The following APP variants were observed in gnomAD, a reference collection of about 807,000 sequenced individuals.
APP encodes amyloid-beta precursor protein.
Under a neutral mutation model 101.4 loss-of-function variants are expected in APP, and 31 were observed. That is an observed-to-expected ratio of 0.31 (90% CI 0.23 to 0.41). The LOEUF (loss-of-function observed/expected upper bound fraction) is 0.41. Ranked by LOEUF, APP falls within the 10% of genes least tolerant of loss-of-function variation. APP has a pLI of 1.00. For missense variants in APP, 839 were observed against 1,003.7 expected (o/e 0.84, Z 2.22); for synonymous variants, 366 against 364.4 (o/e 1.00, Z -0.05).
At chr21:25,906,382 A>G (rs1403314333) in intron 14 of APP, among the ~76,000 whole-genome samples, 1 of 142,040 alleles carries the variant, frequency 7.0e-6, no homozygotes, top group Non-Finnish European at 1.6e-5. Context: ...GGGATGCGCC[A>G]CTTCTGTGGC....
chr21:26,117,558 T>C (rs1031112292), intron 1 of APP, among the ~76,000 whole-genome samples: 1 of 152,114 alleles, frequency 6.6e-6, no homozygotes, highest in East Asian at 1.9e-4. Flanking sequence ...TCCAAGGCCA[T>C]GGGGTTATAG....
chr21:26,110,638 A>C (rs1342701860), intron 2 of APP, among the ~76,000 whole-genome samples: 1 of 152,094 alleles, frequency 6.6e-6, no homozygotes, highest in Non-Finnish European at 1.5e-5. Flanking sequence ...GTCCTTTCTT[A>C]AACAGAGCGC....
chr21:26,166,068 G>A (rs2234992), intron 1 of APP, among the ~76,000 whole-genome samples: 50,820 of 151,718 alleles, frequency 0.33, 8,828 homozygotes, highest in African/African-American at 0.44. Context: ...TTTTTTCCAA[G>A]AAAAATACTA....
intron 11 of APP, among the ~76,000 whole-genome samples, chr21:25,957,906 C>A (rs2146501583): frequency 6.6e-6 from 1 of 152,056 alleles, no homozygotes; most frequent in South Asian, 2.1e-4. Context: ...ATTATTTGAA[C>A]CCAGGAGGTT....
At chr21:26,150,604 G>GAT (rs2146339695) in intron 1 of APP, among the ~76,000 whole-genome samples, 1 of 145,076 alleles carries the variant, frequency 6.9e-6, no homozygotes, top group African/African-American at 2.6e-5. Context: ...CATCTAGATA[G>GAT]ACAGATAGAT....
At chr21:26,054,122 A>G in intron 3 of APP, among the ~76,000 whole-genome samples, 1 of 152,236 alleles carries the variant, frequency 6.6e-6, no homozygotes, top group East Asian at 1.9e-4. Context: ...ATAGTAGGCA[A>G]TAAATATCTG....
At chr21:26,062,437 T>C (rs1363836789) in intron 3 of APP, among the ~76,000 whole-genome samples, 1 of 151,696 alleles carries the variant, frequency 6.6e-6, no homozygotes, top group Non-Finnish European at 1.5e-5. Context: ...CCGAGGCAAG[T>C]GGATCACCTG....
At chr21:26,045,668 T>C (rs1331506542) in intron 5 of APP, among the ~76,000 whole-genome samples, 1 of 152,200 alleles carries the variant, frequency 6.6e-6, no homozygotes, top group Admixed American at 6.5e-5. Flanking sequence ...CCTGGTTTTC[T>C]GGTGTAGTTA....
At chr21:25,885,708 C>G (rs2037276838) in intron 17 of APP, among the ~76,000 whole-genome samples, 1 of 152,136 alleles carries the variant, frequency 6.6e-6, no homozygotes, top group African/African-American at 2.4e-5. Context: ...GAGCTGAGCC[C>G]AAATAGCCTG....
intron 1 of APP, among the ~76,000 whole-genome samples, chr21:26,131,315 A>G (rs1311537942): frequency 3.3e-5 from 5 of 152,176 alleles, no homozygotes; most frequent in Admixed American, 3.3e-4. Flanking sequence ...AAGGCCCGTA[A>G]AACAAAACAC....
At chr21:26,080,468 A>T (rs2061575334) in intron 3 of APP, among the ~76,000 whole-genome samples, 1 of 151,934 alleles carries the variant, frequency 6.6e-6, no homozygotes, top group African/African-American at 2.4e-5. Flanking sequence ...AATAGCTTTT[A>T]AAAAATTTCC....
At chr21:26,097,047 C>T (rs1374812832) in intron 2 of APP, among the ~76,000 whole-genome samples, 1 of 152,166 alleles carries the variant, frequency 6.6e-6, no homozygotes, top group Non-Finnish European at 1.5e-5. Context: ...CTTCAATAAG[C>T]CCTATTTCTA....
At chr21:25,951,336 A>G (rs2041066457) in intron 13 of APP, among the ~76,000 whole-genome samples, 1 of 152,200 alleles carries the variant, frequency 6.6e-6, no homozygotes, top group Non-Finnish European at 1.5e-5. Context: ...TACCTCTCCC[A>G]CTAAAGATAC....
chr21:26,008,742 G>C (rs966979806), intron 6 of APP, among the ~76,000 whole-genome samples: 1 of 152,114 alleles, frequency 6.6e-6, no homozygotes, highest in Non-Finnish European at 1.5e-5. Context: ...AGAGTTTTTC[G>C]GTTTCCTTGG....
At chr21:26,086,309 T>C (rs1283432309) in intron 3 of APP, among the ~76,000 whole-genome samples, 2 of 152,188 alleles carry the variant, frequency 1.3e-5, no homozygotes, top group Admixed American at 6.5e-5. Context: ...AGGGAAATTA[T>C]CCACTCCATG....
intron 8 of APP, among the ~76,000 whole-genome samples, chr21:25,982,906 A>G (rs1049238089): frequency 5.9e-5 from 9 of 151,508 alleles, no homozygotes; most frequent in Non-Finnish European, 1.5e-5. Flanking sequence ...ATCTGTAATT[A>G]GCCTGTTGTA....
chr21:25,961,849 A>G (rs2041595123), intron 11 of APP, among the ~76,000 whole-genome samples: 1 of 152,200 alleles, frequency 6.6e-6, no homozygotes, highest in Non-Finnish European at 1.5e-5. Flanking sequence ...GATCAGAAAA[A>G]CAAAAGAATT....
chr21:26,146,434 C>T (rs45567431), intron 1 of APP, among the ~76,000 whole-genome samples: 22,789 of 152,184 alleles, frequency 0.15, 2,130 homozygotes, highest in Non-Finnish European at 0.21. Context: ...ATTTCCCTGA[C>T]GACTATGAGA....
At chr21:26,051,832 T>C (rs1400490906) in intron 4 of APP, among the ~76,000 whole-genome samples, 1 of 152,176 alleles carries the variant, frequency 6.6e-6, no homozygotes, top group Non-Finnish European at 1.5e-5. Context: ...TAGTGATAAA[T>C]GAAGGATGAA....
Sources: allele counts gnomAD v4.1 joint callset (sites outside exome capture counted in the v4.1 genomes callset), GRCh38; gene constraint gnomAD v4.1.1; transcripts MANE v1.5; gene names NCBI Gene and HGNC (gene_info 2026-07-23, HGNC 2026-07-21).